KCNQ1: variants seen among roughly 807,000 people sequenced by gnomAD.
KCNQ1 encodes potassium voltage-gated channel subfamily KQT member 1.
A neutral mutation model predicts 72.4 loss-of-function variants in KCNQ1; 49 were observed. The observed-to-expected ratio is 0.68, with a 90% CI of 0.54 to 0.86. The LOEUF (loss-of-function observed/expected upper bound fraction) is 0.86, where lower values mean the gene tolerates loss of function less well. Among genes scored for constraint, KCNQ1 ranks in the 40% least tolerant of loss-of-function variants. KCNQ1 has a pLI of 0.00. For missense variants in KCNQ1, 790 were observed against 945.1 expected (o/e 0.84, Z 2.15); for synonymous variants, 450 against 412.6 (o/e 1.09, Z -1.10).
At chr11:2,465,402 T>C (rs1164883497) in intron 1 of KCNQ1, among the ~76,000 whole-genome samples, 1 of 152,162 alleles carries the variant, frequency 6.6e-6, no homozygotes, top group African/African-American at 2.4e-5. Context: ...CAGGTGGCCT[T>C]AGGTGATCCT....
intron 2 of KCNQ1, among the ~76,000 whole-genome samples, chr11:2,569,676 C>G (rs368134251): frequency 9.2e-5 from 14 of 152,232 alleles, no homozygotes; most frequent in African/African-American, 3.4e-4. Context: ...CCGTACACCC[C>G]GGCTGCCTGG....
At chr11:2,470,931 T>C (rs1351478701) in intron 1 of KCNQ1, among the ~76,000 whole-genome samples, 1 of 152,142 alleles carries the variant, frequency 6.6e-6, no homozygotes, top group Non-Finnish European at 1.5e-5. Flanking sequence ...GGGCACAGAT[T>C]TTCTGTTTTC....
intron 2 of KCNQ1, among the ~76,000 whole-genome samples, chr11:2,561,967 G>A (rs755003791): frequency 4.6e-5 from 7 of 152,182 alleles, no homozygotes; most frequent in Admixed American, 1.3e-4. Context: ...GATGCAGCCC[G>A]ACTAAGGCTG....
chr11:2,470,634 A>G (rs1164298289), intron 1 of KCNQ1, among the ~76,000 whole-genome samples: 1 of 149,568 alleles, frequency 6.7e-6, no homozygotes, highest in African/African-American at 2.5e-5. Flanking sequence ...CACATCCATC[A>G]TGGCCCTGAA....
intron 15 of KCNQ1, among the ~76,000 whole-genome samples, chr11:2,832,626 A>C (rs1177866060): frequency 2.0e-5 from 3 of 152,226 alleles, no homozygotes; most frequent in African/African-American, 7.2e-5. Context: ...CCACAGTTGC[A>C]GCAGGAAGCC....
In KCNQ1 at chr11:2,760,070, C is replaced by G. The variant is rs549148965; in HGVS notation, c.1515-8774C>G. 2.5e-3 allele frequency among the ~76,000 whole-genome samples: 378 copies of G among 152,316 alleles called. 1 individual carries two copies. Among genetic ancestry groups the G allele is most frequent in the African/African-American group, 8.7e-3 (362 of 41,570 alleles). ...GCTTTCCCACAGTGTCCTTCGATGG[C>G]CCCCAGTGACGTGTGTTGAATGTGG... On this transcript the variant is annotated intron_variant, in intron 11 of 15. Coordinates refer to ENST00000155840, the MANE Select transcript of KCNQ1 (RefSeq NM_000218.3).
intron 10 of KCNQ1, chr11:2,616,565 AT>A (rs1349666953): frequency 7.5e-6 from 3 of 397,962 alleles, no homozygotes; most frequent in Non-Finnish European, 1.3e-5. Flanking sequence ...ACTACATCCC[AT>A]AAGTCTGAGT....
In KCNQ1 at chr11:2,699,714, A is replaced by AAAAGCCCC. The variant is rs1287006332; in HGVS notation, c.1514+37633_1514+37634insAAAGCCCC. ...GGGTGCCCCGAGGAGAACGGCGCCG[A>AAAAGCCCC]GGAGTCCCCGGGGAGAACTGCGCCG... On this transcript the variant is annotated intron_variant, in intron 11 of 15. Coordinates refer to ENST00000155840, the MANE Select transcript of KCNQ1 (RefSeq NM_000218.3). 284 of 218,520 alleles carry AAAAGCCCC rather than the reference A, an allele frequency of 1.3e-3. 2 individuals are homozygous for AAAAGCCCC. The highest frequency in any genetic ancestry group is 4.6e-3 in the Middle Eastern group (4 of 876). The allele number at this position is 218,520 out of a possible 1,614,324, so 13.5% of individuals were successfully genotyped here.
rs1417506231 is a variant in KCNQ1 at position 2,654,945 on chromosome 11, C to T, written c.1394-7016C>T. Reference sequence around the variant, plus strand: ...AAGGCACAGATACAGGAGACTTCCACAAATTATTGTTTCTTGACTTGGAAA... The same window carrying T: ...AAGGCACAGATACAGGAGACTTCCATAAATTATTGTTTCTTGACTTGGAAA... On this transcript the variant is annotated intron_variant, in intron 10 of 15. Coordinates refer to ENST00000155840, the MANE Select transcript of KCNQ1 (RefSeq NM_000218.3). This position sits in a 1 kb window ranked among gnomAD's most constrained non-coding sequence, Gnocchi z 6.4. 5.0e-6 allele frequency: 2 copies of T among 398,394 alleles called. No homozygotes were observed. The highest frequency in any genetic ancestry group is 1.3e-4 in the South Asian group (1 of 7,858). 24.7% of individuals were successfully genotyped at this position (398,394 alleles called of 1,614,324 possible).
chr11:2,661,481 C>T lies in KCNQ1; in HGVS notation c.1394-480C>T. ...AGGAGTTCTGTGGCTGCCCCCACCT[C>T]CCAGGCTTGCCATTCCTCATGGGTC... On this transcript the variant is annotated intron_variant, in intron 10 of 15. Transcript: ENST00000155840. This position sits in a 1 kb window ranked among gnomAD's most constrained non-coding sequence, Gnocchi z 5.9. 2 of 436,948 alleles carry T rather than the reference C, an allele frequency of 4.6e-6. No homozygotes were observed. The highest frequency in any genetic ancestry group is 8.1e-6 in the Non-Finnish European group (2 of 248,418). The allele number at this position is 436,948 out of a possible 1,614,324, so 27.1% of individuals were successfully genotyped here. A position where few individuals can be genotyped will look rare whatever the true frequency, so the allele number is the denominator to read the frequency against.
intron 11 of KCNQ1, chr11:2,686,866 T>G (rs1449779358): frequency 2.5e-6 from 1 of 398,458 alleles, no homozygotes; most frequent in Admixed American, 4.4e-5. Flanking sequence ...GAGGCCCTGG[T>G]TTGTGTCTGC....
chr11:2,729,089 G>A (rs1265022878), intron 11 of KCNQ1, among the ~76,000 whole-genome samples: 4 of 152,220 alleles, frequency 2.6e-5, no homozygotes, highest in Non-Finnish European at 5.9e-5. Flanking sequence ...TGCCCCAGGC[G>A]GGCACAAAGG....
chr11:2,572,871 G>A lies in KCNQ1; in HGVS notation c.806G>A (p.Gly269Asp), dbSNP rs120074194. The A allele has an allele frequency of 1.2e-6, 2 of 1,613,700 alleles. No homozygotes were observed. The highest frequency in any genetic ancestry group is 1.3e-5 in the African/African-American group (1 of 74,950). Residue 269 changes from glycine (G) to aspartate (D), a missense_variant, in exon 6 of 16, where the codon GGC (glycine) becomes GAC (aspartate). This residue lies in a region of KCNQ1 where 133 missense variants were observed against 219.5 expected (regional missense o/e 0.61). Coordinates refer to ENST00000155840, the MANE Select transcript of KCNQ1 (RefSeq NM_000218.3). ...GAGCTGATAACCACCCTGTACATCG[G>A]CTTCCTGGGCCTCATCTTCTCCTCG... ...RQELITTLYI[G>D]FLGLIFSSYF... is the part of the protein sequence containing the mutation.
chr11:2,450,394 ACAT>A lies in KCNQ1; in HGVS notation c.386+4912_386+4914del, dbSNP rs1846105103. Among the ~76,000 whole-genome samples, 1 of 152,124 alleles carries A rather than the reference ACAT, an allele frequency of 6.6e-6. No individual in the cohort carries two copies. On this transcript the variant is annotated intron_variant, in intron 1 of 15. Coordinates refer to ENST00000155840, the MANE Select transcript of KCNQ1 (RefSeq NM_000218.3). This position sits in a 1 kb window ranked among gnomAD's most constrained non-coding sequence, Gnocchi z 7.9. ...CCGCAGAGAAGCTTCCAGAAGCCCA[ACAT>A]CTGCTGCTGGAGGGGAGAATGAGGC... is the stretch of plus-strand genomic sequence containing the variant.
At chr11:2,721,592 C>G (rs1479929609) in intron 11 of KCNQ1, among the ~76,000 whole-genome samples, 1 of 152,214 alleles carries the variant, frequency 6.6e-6, no homozygotes, top group Non-Finnish European at 1.5e-5. Context: ...CTTTACTCCG[C>G]CTGCAGGGGT....
At chr11:2,572,816 G>C in intron 5 of KCNQ1, 30 bp from the exon 6 acceptor site, 1 of 1,613,312 alleles carries the variant, frequency 6.2e-7, no homozygotes, top group Non-Finnish European at 8.5e-7. Context: ...GCGGTTCCTG[G>C]AGCCCGACAC....
At chr11:2,694,518 G>T (rs1335876530) in intron 11 of KCNQ1, 1 of 398,526 alleles carries the variant, frequency 2.5e-6, no homozygotes, top group Non-Finnish European at 4.4e-6. Flanking sequence ...AGAAACCCTG[G>T]TTGCAAGGGG....
intron 6 of KCNQ1, among the ~76,000 whole-genome samples, chr11:2,582,339 C>T (rs1848513012): frequency 6.6e-6 from 1 of 152,196 alleles, no homozygotes; most frequent in Admixed American, 6.5e-5. Flanking sequence ...GGACCCTGGT[C>T]TCGTGGGGGC....
intron 10 of KCNQ1, chr11:2,628,011 C>T (rs1228251912): frequency 2.5e-6 from 1 of 398,582 alleles, no homozygotes; most frequent in Non-Finnish European, 4.4e-6. Context: ...TTGGCCACCC[C>T]CAAGTACTGG....
Sources: gnomAD v4.1 joint callset for allele counts (sites outside exome capture counted in the v4.1 genomes callset) on GRCh38, gnomAD v4.1.1 for gene constraint, gnomAD v4.1.1 regional missense constraint, Gnocchi (gnomAD v3.1) non-coding constraint, MANE v1.5 for transcripts, NCBI Gene and HGNC (gene_info 2026-07-23, HGNC 2026-07-21) for gene names.